Variants in TSPAN4 observed in about 807,000 individuals in gnomAD.
TSPAN4 encodes the protein tetraspanin-4.
A neutral mutation model predicts 31.5 loss-of-function variants in TSPAN4; 38 were observed. The observed-to-expected ratio is 1.21, with a 90% CI of 0.93 to 1.58. The LOEUF (loss-of-function observed/expected upper bound fraction) is 1.58, where lower values mean the gene tolerates loss of function less well. Among genes scored for constraint, TSPAN4 ranks in the 40% most tolerant of loss-of-function variants. The probability of loss-of-function intolerance (pLI) is 0.00; values close to 1 mark genes in which losing one functional copy is unlikely to be tolerated. For missense variants in TSPAN4, 330 were observed against 317.3 expected (o/e 1.04, Z -0.30); for synonymous variants, 186 against 144.6 (o/e 1.29, Z -2.06).
chr11:843,511 C>A (rs903937002), intron 1 of TSPAN4: 4 of 152,276 alleles, frequency 2.6e-5, no homozygotes, highest in African/African-American at 9.6e-5. Context: ...TGGGCAGACT[C>A]CCGGAGGCTG....
In TSPAN4 at chr11:849,080, G is replaced by C. The variant is rs529031819; in HGVS notation, c.-17-1208G>C. On this transcript the variant is annotated intron_variant, in intron 2 of 8. Transcript: ENST00000397397. ...AACAGCAGAGCATCAAGCCAGCTGG[G>C]GTGGGTGCGCGCGACTGCCCTTGAA... The C allele has an allele frequency of 1.4e-4, 81 of 572,490 alleles. 1 individual carries two copies. The highest frequency in any genetic ancestry group is 1.1e-3 in the African/African-American group (58 of 52,508). The allele number at this position is 572,490 out of a possible 1,614,324, so 35.5% of individuals were successfully genotyped here. A position where few individuals can be genotyped will look rare whatever the true frequency, so the allele number is the denominator to read the frequency against.
At position 853,979 on chromosome 11, in the gene TSPAN4, G is replaced by A. The variant is rs114686272; in HGVS notation, c.63+3612G>A. ...GACACAGGTTAGCAATGGTGAGGGCGTGGGGGGCTCTGCTGCCCTGGGACC... is the reference window on the plus strand; with the variant it reads ...GACACAGGTTAGCAATGGTGAGGGCATGGGGGGCTCTGCTGCCCTGGGACC... On this transcript the variant is annotated intron_variant, in intron 3 of 8. Transcript: ENST00000397397. Among the ~76,000 whole-genome samples, 530 of 152,326 alleles carry A rather than the reference G, an allele frequency of 3.5e-3. 6 individuals are homozygous for A. The highest frequency in any genetic ancestry group is 0.012 in the African/African-American group (504 of 41,572).
chr11:864,059 C>T (rs1200506269), intron 4 of TSPAN4: 1 of 282,240 alleles, frequency 3.5e-6, no homozygotes, highest in Admixed American at 4.4e-5. Flanking sequence ...AGCGAGGCAC[C>T]TGCCAGACAC....
intron 3 of TSPAN4, among the ~76,000 whole-genome samples, chr11:855,980 C>T (rs1360908888): frequency 6.6e-6 from 1 of 152,210 alleles, no homozygotes; most frequent in South Asian, 2.1e-4. Flanking sequence ...GCGTGGCCCC[C>T]GTGGGCCCGG....
At chr11:853,533 G>C (rs1847874361) in intron 3 of TSPAN4, among the ~76,000 whole-genome samples, 1 of 152,168 alleles carries the variant, frequency 6.6e-6, no homozygotes, top group Non-Finnish European at 1.5e-5. Flanking sequence ...ATCTTTGCTG[G>C]GGTCTGGGAG....
Position 846,148 on chromosome 11 carries a change from C to T in TSPAN4, c.-117-1053C>T, listed in dbSNP as rs1039919356. Among the ~76,000 whole-genome samples, 10 of 152,206 alleles carry T rather than the reference C, an allele frequency of 6.6e-5. No homozygotes were observed. In the East Asian group the frequency reaches 7.7e-4, roughly 12 times the overall value. Reference sequence around the variant, plus strand: ...GGCTCTGCTGTCTGTCCTGAGCTGCCCCTGCTGAGCTGTGTGGAGACCCCG... The same window carrying T: ...GGCTCTGCTGTCTGTCCTGAGCTGCTCCTGCTGAGCTGTGTGGAGACCCCG... On this transcript the variant is annotated intron_variant, in intron 1 of 8. Coordinates refer to ENST00000397397, the MANE Select transcript of TSPAN4 (RefSeq NM_003271.5).
intron 1 of TSPAN4, among the ~76,000 whole-genome samples, chr11:845,367 G>T (rs1373038653): frequency 6.6e-6 from 1 of 151,900 alleles, no homozygotes; most frequent in African/African-American, 2.4e-5. Context: ...GTTGTGAGCA[G>T]TGGGGCCTGT....
chr11:859,953 C>T (rs1848360583), intron 3 of TSPAN4, among the ~76,000 whole-genome samples: 1 of 152,150 alleles, frequency 6.6e-6, no homozygotes, highest in South Asian at 2.1e-4. Flanking sequence ...ACAGGGGTGA[C>T]CCCTCTTCCT....
intron 2 of TSPAN4, chr11:849,031 A>T: frequency 1.7e-6 from 1 of 591,122 alleles, no homozygotes; most frequent in East Asian, 3.0e-5. Context: ...CTTGTTTAAA[A>T]ATTACCAAGA....
At chr11:856,639 C>T (rs1214031157) in intron 3 of TSPAN4, among the ~76,000 whole-genome samples, 3 of 152,300 alleles carry the variant, frequency 2.0e-5, no homozygotes, top group East Asian at 1.9e-4. Flanking sequence ...CTCTGGTTTC[C>T]GGGTCCAGGC....
chr11:854,787 T>C (rs1021996711), intron 3 of TSPAN4, among the ~76,000 whole-genome samples: 1 of 152,144 alleles, frequency 6.6e-6, no homozygotes, highest in Non-Finnish European at 1.5e-5. Flanking sequence ...GCTGAGACGA[T>C]GTCTGGCAGA....
At chr11:860,268 C>G (rs914177914) in intron 3 of TSPAN4, among the ~76,000 whole-genome samples, 2 of 152,142 alleles carry the variant, frequency 1.3e-5, no homozygotes, top group African/African-American at 4.8e-5. Flanking sequence ...CCTGTGGAGC[C>G]CAGAGGGACC....
chr11:845,189 C>T (rs1038882365), intron 1 of TSPAN4, among the ~76,000 whole-genome samples: 1 of 152,200 alleles, frequency 6.6e-6, no homozygotes, highest in Non-Finnish European at 1.5e-5. Context: ...CTGGCCCTGT[C>T]CATGCCTGGG....
At chr11:852,863 C>T (rs950208764) in intron 3 of TSPAN4, among the ~76,000 whole-genome samples, 15 of 150,892 alleles carry the variant, frequency 9.9e-5, no homozygotes, top group African/African-American at 3.7e-4. Flanking sequence ...GACGTCCCCC[C>T]GGCGGGACCT....
At chr11:846,840 G>T (rs576003374) in intron 1 of TSPAN4, among the ~76,000 whole-genome samples, 1 of 152,348 alleles carries the variant, frequency 6.6e-6, no homozygotes, top group Non-Finnish European at 1.5e-5. Context: ...GTGGGTGCAA[G>T]CATGTGTCTT....
chr11:862,489 G>T (rs971603391), intron 3 of TSPAN4, 61 bp from the exon 4 acceptor site: 3 of 1,443,578 alleles, frequency 2.1e-6, no homozygotes, highest in African/African-American at 1.4e-5. Flanking sequence ...CTCTGCCCTG[G>T]GGTCCAGAGC....
intron 4 of TSPAN4, 174 bp from the exon 5 acceptor site, chr11:864,263 G>T: frequency 2.8e-6 from 2 of 719,448 alleles, no homozygotes; most frequent in South Asian, 3.4e-5. Context: ...TGGACCTGGG[G>T]CCAAGGGTTC....
chr11:860,066 C>A (rs564505047), intron 3 of TSPAN4, among the ~76,000 whole-genome samples: 23 of 152,340 alleles, frequency 1.5e-4, no homozygotes, highest in Non-Finnish European at 2.8e-4. Flanking sequence ...GCCAATGGCT[C>A]AGCAGAGCTT....
At chr11:861,460 C>A (rs1461882168) in intron 3 of TSPAN4, among the ~76,000 whole-genome samples, 1 of 152,130 alleles carries the variant, frequency 6.6e-6, no homozygotes, top group Non-Finnish European at 1.5e-5. Context: ...CGCCTGGAAT[C>A]CCAGCACTTT....
Sources: allele counts gnomAD v4.1 joint callset (sites outside exome capture counted in the v4.1 genomes callset), GRCh38; gene constraint gnomAD v4.1.1; transcripts MANE v1.5; gene names NCBI Gene and HGNC (gene_info 2026-07-23, HGNC 2026-07-21).